Variants in SPEF2 observed in about 807,000 individuals in gnomAD.
SPEF2 encodes sperm flagellar and cilia associated 2, also known as sperm flagella and cilia-associated protein 2.
SPEF2 carries 187 observed loss-of-function variants against 224.6 expected under a neutral mutation model. That is an observed-to-expected ratio of 0.83 (90% CI 0.74 to 0.94). SPEF2 has a LOEUF of 0.94. SPEF2 is among the 40% of genes least tolerant of loss of function. SPEF2 has a pLI of 0.00. For synonymous variants in SPEF2, 715 were observed against 707.3 expected, an observed-to-expected ratio of 1.01 and a Z score of -0.17; for missense variants, 2,170 against 2,135.6, an observed-to-expected ratio of 1.02 and a Z score of -0.32.
intron 18 of SPEF2, among the ~76,000 whole-genome samples, chr5:35,708,640 ACC>A: frequency 1.8e-3 from 1 of 556 alleles, no homozygotes; most frequent in Admixed American, 0.018. Flanking sequence ...CATCACCTCT[ACC>A]AGCACCTCCA....
At position 35,667,185 on chromosome 5, in the gene SPEF2, A is replaced by C. The variant is rs1453677954; in HGVS notation, c.1281A>C (p.Ser427=). ...RAQARYEKHY[S]VCAEILDQIV... is the part of the protein sequence containing the mutation. ...AAGCTCGTTATGAAAAGCATTATTC[A>C]GTATGTGCAGAAATTTTGGATCAAA... The change falls in exon 9 of 37, where the codon TCA becomes TCC. Residue 427 remains serine (S), a synonymous_variant. Coordinates refer to ENST00000356031, the MANE Select transcript of SPEF2 (RefSeq NM_024867.4). 1.2e-6 allele frequency: 2 copies of C among 1,610,920 alleles called. No homozygotes were observed. The highest frequency in any genetic ancestry group is 2.2e-5 in the East Asian group (1 of 44,758).
intron 30 of SPEF2, chr5:35,790,934 C>T (rs1176854979): frequency 3.3e-5 from 5 of 152,312 alleles, no homozygotes; most frequent in Admixed American, 6.5e-5. Flanking sequence ...GCTAAATCCT[C>T]AGGTAAACAA....
chr5:35,737,922 G>T (rs1340891732), intron 21 of SPEF2, among the ~76,000 whole-genome samples: 3 of 152,144 alleles, frequency 2.0e-5, no homozygotes, highest in Non-Finnish European at 2.9e-5. Context: ...GGTGTGAGAT[G>T]GTATCTCATT....
intron 2 of SPEF2, among the ~76,000 whole-genome samples, chr5:35,634,507 C>G (rs1745560582): frequency 2.0e-5 from 3 of 150,812 alleles, no homozygotes; most frequent in South Asian, 4.2e-4. Context: ...TACTGCAGTT[C>G]ATTGAGCTTC....
intron 36 of SPEF2, among the ~76,000 whole-genome samples, chr5:35,812,654 A>G (rs1382658464): frequency 6.6e-6 from 1 of 152,240 alleles, no homozygotes; most frequent in Non-Finnish European, 1.5e-5. Context: ...CATTCTTTAA[A>G]ACAAATATGT....
At chr5:35,763,401 A>C (rs1012803686) in intron 25 of SPEF2, 121 bp from the exon 26 acceptor site, 2 of 922,602 alleles carry the variant, frequency 2.2e-6, no homozygotes, top group Non-Finnish European at 3.1e-6. Flanking sequence ...TAATTCTTTC[A>C]GGAAAACTTT....
rs186229787 is a variant in SPEF2, at chr5:35,625,172, G to A, written c.59-3288G>A. Among the ~76,000 whole-genome samples, 543 of 152,240 alleles carry A rather than the reference G, an allele frequency of 3.6e-3. 2 individuals are homozygous for A. Among genetic ancestry groups the A allele is most frequent in the Admixed American group, 6.8e-3 (104 of 15,290 alleles). Reference sequence around the variant, plus strand: ...AGTGTCTTATGCATAAAAAGCTTCAGACAGATATTTTGATACTTACAGATT... The same window carrying A: ...AGTGTCTTATGCATAAAAAGCTTCAAACAGATATTTTGATACTTACAGATT... On this transcript the variant is annotated intron_variant, in intron 1 of 36. Transcript: ENST00000356031.
intron 2 of SPEF2, among the ~76,000 whole-genome samples, chr5:35,637,308 G>A (rs562351656): frequency 2.0e-5 from 3 of 152,164 alleles, no homozygotes; most frequent in African/African-American, 7.2e-5. Context: ...TTTTATGAGT[G>A]TTATTGTTGC....
rs1754697504 is a variant in SPEF2 at position 35,692,677 on chromosome 5, G to T, written c.1852G>T (p.Glu618Ter). The T allele has an allele frequency of 1.9e-6, 3 of 1,613,650 alleles. No individual in the cohort carries two copies. Among genetic ancestry groups the T allele is most frequent in the Non-Finnish European group, 2.5e-6 (3 of 1,179,886 alleles). Residue 618 changes from glutamate (E) to a stop codon, truncating the protein, a stop_gained, in exon 12 of 37, where the codon GAA (glutamate) becomes TAA (stop). Transcript: ENST00000356031. LOFTEE classifies it high-confidence loss of function. ...SEVLPIQKND[E>*]EDALPVLQEE... ...GGTTCTACCAATTCAGAAAAATGATGAAGAAGATGCTCTACCAGTTCTGCA... is the reference window on the plus strand; with the variant it reads ...GGTTCTACCAATTCAGAAAAATGATTAAGAAGATGCTCTACCAGTTCTGCA...
At chr5:35,618,204 CA>C in intron 1 of SPEF2, 149 bp downstream of exon 1, 1 of 825,252 alleles carries the variant, frequency 1.2e-6, no homozygotes, top group Non-Finnish European at 2.0e-6. Context: ...CCACAGTGAG[CA>C]ACTCGGCTCG....
intron 23 of SPEF2, among the ~76,000 whole-genome samples, chr5:35,751,013 G>GTATA (rs1240670506): frequency 2.2e-5 from 2 of 90,756 alleles, no homozygotes; most frequent in African/African-American, 4.6e-5. Context: ...ATATATATAC[G>GTATA]TATATATATA....
intron 10 of SPEF2, among the ~76,000 whole-genome samples, chr5:35,686,667 G>A (rs1753672333): frequency 6.6e-6 from 1 of 151,910 alleles, no homozygotes; most frequent in African/African-American, 2.4e-5. Flanking sequence ...TTTGGTTTTA[G>A]GCAAAATATG....
At chr5:35,663,397 T>A (rs1162394629) in intron 8 of SPEF2, among the ~76,000 whole-genome samples, 3 of 152,186 alleles carry the variant, frequency 2.0e-5, no homozygotes, top group Non-Finnish European at 4.4e-5. Context: ...CCAAGCCAAA[T>A]GTATGACCTT....
chr5:35,751,001 A>ATATACATATGTG (rs1749349945), intron 23 of SPEF2, among the ~76,000 whole-genome samples: 5 of 91,596 alleles, frequency 5.5e-5, no homozygotes, highest in African/African-American at 1.9e-4. Flanking sequence ...ATATATGTAT[A>ATATACATATGTG]TATATATATA....
At chr5:35,753,306 T>C (rs1749957641) in intron 23 of SPEF2, among the ~76,000 whole-genome samples, 1 of 152,178 alleles carries the variant, frequency 6.6e-6, no homozygotes. Flanking sequence ...TGAAAGGGCT[T>C]TTTCAACCAA....
chr5:35,673,518 G>T (rs557856087), intron 10 of SPEF2, among the ~76,000 whole-genome samples: 42 of 152,182 alleles, frequency 2.8e-4, no homozygotes, highest in Non-Finnish European at 5.0e-4. Context: ...AGAAGTCCCT[G>T]CCACAAAGCA....
chr5:35,774,379 T>G (rs1380745224), intron 28 of SPEF2, among the ~76,000 whole-genome samples: 2 of 152,184 alleles, frequency 1.3e-5, no homozygotes, highest in African/African-American at 4.8e-5. Context: ...CAGGTTTAGA[T>G]AGGGACTACC....
intron 21 of SPEF2, among the ~76,000 whole-genome samples, chr5:35,729,683 C>G (rs903358277): frequency 1.3e-5 from 2 of 152,090 alleles, no homozygotes; most frequent in African/African-American, 4.8e-5. Flanking sequence ...TTGCTGTGTC[C>G]CTACCCAAAT....
chr5:35,764,173 T>A (rs1463383570), intron 26 of SPEF2, among the ~76,000 whole-genome samples: 1 of 152,178 alleles, frequency 6.6e-6, no homozygotes, highest in African/African-American at 2.4e-5. Context: ...GAAATAAAAA[T>A]TTTTAAAAAA....
Sources: allele counts gnomAD v4.1 joint callset (sites outside exome capture counted in the v4.1 genomes callset), GRCh38; gene constraint gnomAD v4.1.1; transcripts MANE v1.5; gene names NCBI Gene and HGNC (gene_info 2026-07-23, HGNC 2026-07-21).